Variants in RPS6KA6 observed in about 807,000 individuals in gnomAD.
RPS6KA6 encodes the protein ribosomal protein S6 kinase alpha-6.
A neutral mutation model predicts 65.4 loss-of-function variants in RPS6KA6; 27 were observed. The observed-to-expected ratio is 0.41, with a 90% CI of 0.30 to 0.57. The LOEUF is 0.57. Among genes scored for constraint, RPS6KA6 ranks in the 20% least tolerant of loss-of-function variants. RPS6KA6 has a pLI of 0.24. For synonymous variants in RPS6KA6, 190 were observed against 184.2 expected, an observed-to-expected ratio of 1.03 and a Z score of -0.26; for missense variants, 486 against 555.6, an observed-to-expected ratio of 0.87 and a Z score of 1.26.
rs1444301630 is a variant in RPS6KA6 at position 84,065,015 on chromosome X, G to A, written c.2068C>T (p.Pro690Ser). 8.3e-7 allele frequency: 1 copy of A among 1,202,020 alleles called. No homozygotes were observed. Among genetic ancestry groups the A allele is most frequent in the African/African-American group, 1.8e-5 (1 of 56,635 alleles). Residue 690 changes from proline to serine, a missense_variant, in exon 21 of 22, where the codon CCA (proline) becomes TCA (serine). This residue lies in a region of RPS6KA6 where 345 missense variants were observed against 375.0 expected (regional missense o/e 0.92). Coordinates refer to ENST00000262752, the MANE Select transcript of RPS6KA6 (RefSeq NM_014496.5). Reference protein sequence around the residue: ...HSWITHRDQLPNDQPKRNDVS... With the variant: ...HSWITHRDQLSNDQPKRNDVS... ...TCATTTCTCTTTGGCTGATCATTTG[G>A]CAACTGGTCTCTGTGAGTTATCCAT...
intron 1 of RPS6KA6, among the ~76,000 whole-genome samples, chrX:84,184,375 G>T (rs1476972043): frequency 8.9e-6 from 1 of 112,739 alleles, no homozygotes; most frequent in Non-Finnish European, 1.9e-5. Context: ...TGGGAAAAGA[G>T]AAGGAACTAT....
In RPS6KA6 at chrX:84,064,182, A is replaced by C; in HGVS notation, c.*95T>G. ...ATTTAATATTACTTAATATTCAAGT[A>C]ATTTAGCAGACAACGATGCCTTTGA... On this transcript the variant is annotated 3_prime_UTR_variant, in exon 22 of 22. Transcript: ENST00000262752. 1.0e-6 allele frequency: 1 copy of C among 959,738 alleles called. No homozygotes were observed. The highest frequency in any genetic ancestry group is 1.4e-6 in the Non-Finnish European group (1 of 709,621). The allele number at this position is 959,738 out of a possible 1,213,427, so 79.1% of individuals were successfully genotyped here.
chrX:84,183,666 T>C (rs867239496), intron 1 of RPS6KA6, among the ~76,000 whole-genome samples: 4 of 111,346 alleles, frequency 3.6e-5, no homozygotes, highest in African/African-American at 9.8e-5. Context: ...TTTCAGAACA[T>C]TTCCATGCCT....
chrX:84,145,246 C>T (rs1050808295), intron 6 of RPS6KA6, among the ~76,000 whole-genome samples: 1 of 110,750 alleles, frequency 9.0e-6, no homozygotes, highest in Non-Finnish European at 1.9e-5. Context: ...TAGGCTTGCC[C>T]GTATCTACTT....
In RPS6KA6 at chrX:84,062,952, T is replaced by TAGTAGTAGCAGCAGC. The variant is rs760428123; in HGVS notation, c.*1324_*1325insGCTGCTGCTACTACT. The TAGTAGTAGCAGCAGC allele has an allele frequency of 2.7e-5, 3 of 110,207 alleles. No individual in the cohort carries two copies. Among genetic ancestry groups the TAGTAGTAGCAGCAGC allele is most frequent in the South Asian group, 3.8e-4 (1 of 2,648 alleles). The allele number at this position is 110,207 out of a possible 1,213,427, so 9.1% of individuals were successfully genotyped here. A position where few individuals can be genotyped will look rare whatever the true frequency, so the allele number is the denominator to read the frequency against. On this transcript the variant is annotated 3_prime_UTR_variant, in exon 22 of 22. Coordinates refer to ENST00000262752, the MANE Select transcript of RPS6KA6 (RefSeq NM_014496.5). ...GTAGTAGTAGTAGTAGTAGTAGTAG[T>TAGTAGTAGCAGCAGC]AGCAGTAGTAGCTGCTGCTGTTGTT...
At chrX:84,149,388 G>A (rs930313815) in intron 3 of RPS6KA6, among the ~76,000 whole-genome samples, 5 of 111,851 alleles carry the variant, frequency 4.5e-5, no homozygotes, top group African/African-American at 1.6e-4. Flanking sequence ...CTTTCCAGAG[G>A]TTTTCAATTT....
intron 4 of RPS6KA6, 99 bp from the exon 5 acceptor site, chrX:84,147,157 CG>C (rs1377813546): frequency 3.2e-5 from 16 of 506,249 alleles, no homozygotes; most frequent in Middle Eastern, 3.8e-4. Context: ...AAATACAAAA[CG>C]TAACTTCCTA....
At chrX:84,077,846 A>T (rs2033694247) in intron 20 of RPS6KA6, among the ~76,000 whole-genome samples, 1 of 111,873 alleles carries the variant, frequency 8.9e-6, no homozygotes, top group African/African-American at 3.2e-5. Flanking sequence ...AACAATTCAA[A>T]GGTTCAAAGT....
chrX:84,094,513 C>A (rs766908125), intron 20 of RPS6KA6, among the ~76,000 whole-genome samples: 3 of 108,518 alleles, frequency 2.8e-5, no homozygotes, highest in Admixed American at 9.9e-5. Flanking sequence ...GGCGTGGTGG[C>A]GGGCACCTGT....
At chrX:84,132,379 A>T (rs916319256) in intron 8 of RPS6KA6, among the ~76,000 whole-genome samples, 1 of 110,712 alleles carries the variant, frequency 9.0e-6, no homozygotes, top group Non-Finnish European at 1.9e-5. Flanking sequence ...TAATAATTTA[A>T]AAAAAGGCTG....
intron 20 of RPS6KA6, among the ~76,000 whole-genome samples, chrX:84,076,250 T>G (rs867651977): frequency 9.7e-6 from 1 of 102,573 alleles, no homozygotes; most frequent in Admixed American, 1.1e-4. Context: ...AATAAGAAAT[T>G]CTAATTCTAA....
intron 3 of RPS6KA6, among the ~76,000 whole-genome samples, chrX:84,150,852 T>TATATAGAGAGG (rs1387454090): frequency 4.3e-4 from 41 of 95,667 alleles, no homozygotes; most frequent in Non-Finnish European, 6.7e-4. Flanking sequence ...ATAGGATATA[T>TATATAGAGAGG]ATATATAGAG....
intron 12 of RPS6KA6, among the ~76,000 whole-genome samples, chrX:84,108,678 C>A (rs1242361006): frequency 9.0e-6 from 1 of 111,499 alleles, no homozygotes; most frequent in Non-Finnish European, 1.9e-5. Flanking sequence ...CAGTTTAATA[C>A]ACGGAGCTGC....
In RPS6KA6 at chrX:84,187,926, A is replaced by T. The variant is rs749797871; in HGVS notation, c.-27T>A. 1.7e-5 allele frequency: 19 copies of T among 1,146,506 alleles called. No homozygotes were observed. Among genetic ancestry groups the T allele is most frequent in the Non-Finnish European group, 2.2e-5 (19 of 853,829 alleles). The allele number at this position is 1,146,506 out of a possible 1,213,427, so 94.5% of individuals were successfully genotyped here. A position where few individuals can be genotyped will look rare whatever the true frequency, so the allele number is the denominator to read the frequency against. ...TCCCCTTCAGGAGCACTCAAACAGG[A>T]GCTGCCGCCTACCGCTGGCGCGGCC... is the stretch of plus-strand genomic sequence containing the variant. On this transcript the variant is annotated 5_prime_UTR_variant, in exon 1 of 22. Coordinates refer to ENST00000262752, the MANE Select transcript of RPS6KA6 (RefSeq NM_014496.5).
rs931349482 is a variant in RPS6KA6, at chrX:84,060,032, C to T, written c.*4245G>A. 11 of 111,519 alleles carry T rather than the reference C, an allele frequency of 9.9e-5. No individual in the cohort carries two copies. Among genetic ancestry groups the T allele is most frequent in the African/African-American group, 3.6e-4 (11 of 30,700 alleles). The allele number at this position is 111,519 out of a possible 1,213,427, so 9.2% of individuals were successfully genotyped here. A position where few individuals can be genotyped will look rare whatever the true frequency, so the allele number is the denominator to read the frequency against. ...GCAACCAAACTGAATTTTAGGTGATCAAGCATAACATTTTATTGAAAGTAT... is the reference window on the plus strand; with the variant it reads ...GCAACCAAACTGAATTTTAGGTGATTAAGCATAACATTTTATTGAAAGTAT... On this transcript the variant is annotated 3_prime_UTR_variant, in exon 22 of 22. Transcript: ENST00000262752.
chrX:84,092,579 G>A (rs374281577), intron 20 of RPS6KA6, among the ~76,000 whole-genome samples: 10 of 108,620 alleles, frequency 9.2e-5, no homozygotes, highest in African/African-American at 3.0e-4. Flanking sequence ...CCGAGGTCAC[G>A]CCACTGCACT....
intron 7 of RPS6KA6, 99 bp downstream of exon 7, chrX:84,135,005 A>C: frequency 3.0e-6 from 2 of 660,372 alleles, no homozygotes; most frequent in Non-Finnish European, 2.4e-6. Context: ...CATATAATTC[A>C]TATAGAATTC....
At chrX:84,138,019 T>A (rs1432539916) in intron 6 of RPS6KA6, among the ~76,000 whole-genome samples, 3 of 111,979 alleles carry the variant, frequency 2.7e-5, no homozygotes, top group African/African-American at 9.7e-5. Context: ...TGCATTTTAT[T>A]ATAGGGTAAT....
intron 1 of RPS6KA6, among the ~76,000 whole-genome samples, chrX:84,164,949 C>T (rs1034074962): frequency 7.2e-5 from 8 of 111,419 alleles, no homozygotes; most frequent in African/African-American, 2.6e-4. Flanking sequence ...ACAACTAATT[C>T]AAGAAACAGT....
Sources: gnomAD v4.1 joint callset for allele counts (sites outside exome capture counted in the v4.1 genomes callset) on GRCh38, gnomAD v4.1.1 for gene constraint, gnomAD v4.1.1 regional missense constraint, MANE v1.5 for transcripts, NCBI Gene and HGNC (gene_info 2026-07-23, HGNC 2026-07-21) for gene names.